The following CCDC146 variants were observed in gnomAD, a reference collection of about 807,000 sequenced individuals.
CCDC146 encodes the protein coiled-coil domain containing 146.
Under a neutral mutation model 119.3 loss-of-function variants are expected in CCDC146, and 92 were observed. That is an observed-to-expected ratio of 0.77 (90% CI 0.65 to 0.92). CCDC146 has a LOEUF of 0.92. CCDC146 is among the 40% of genes least tolerant of loss of function. The pLI is 0.00. For synonymous variants in CCDC146, 372 were observed against 371.8 expected, an observed-to-expected ratio of 1.00 and a Z score of -0.01; for missense variants, 1,000 against 1,103.0, an observed-to-expected ratio of 0.91 and a Z score of 1.32.
At chr7:77,247,434 T>C (rs575457043) in intron 4 of CCDC146, among the ~76,000 whole-genome samples, 8 of 152,300 alleles carry the variant, frequency 5.3e-5, no homozygotes, top group Admixed American at 5.2e-4. Flanking sequence ...GTAGGATCAA[T>C]ACCTGGGAAG....
At chr7:77,268,738 G>A (rs138922010) in intron 9 of CCDC146, among the ~76,000 whole-genome samples, 28 of 152,262 alleles carry the variant, frequency 1.8e-4, no homozygotes, top group African/African-American at 6.5e-4. Context: ...CCTCACACTA[G>A]CCATACAGAC....
At chr7:77,162,296 T>C (rs1160918991) in intron 1 of CCDC146, among the ~76,000 whole-genome samples, 3 of 152,074 alleles carry the variant, frequency 2.0e-5, no homozygotes, top group Admixed American at 6.6e-5. Context: ...GTTTAATTCT[T>C]TAATCTAGTT....
intron 4 of CCDC146, among the ~76,000 whole-genome samples, chr7:77,247,419 G>A (rs12668330): frequency 0.74 from 113,353 of 152,152 alleles, 46,311 homozygotes; most frequent in Non-Finnish European, 0.9. Flanking sequence ...CAGCATGCCC[G>A]AGGTGTAGGA....
chr7:77,228,006 T>C (rs1289300311), intron 2 of CCDC146, among the ~76,000 whole-genome samples: 4 of 152,216 alleles, frequency 2.6e-5, no homozygotes, highest in Admixed American at 2.0e-4. Context: ...TAACAAGATG[T>C]CTCAGCTTCA....
At chr7:77,282,914 T>A (rs1384103102) in intron 15 of CCDC146, 129 bp downstream of exon 15, 1 of 645,882 alleles carries the variant, frequency 1.5e-6, no homozygotes, top group Non-Finnish European at 2.7e-6. Context: ...CCATCCATCT[T>A]GTTTAAAAAT....
At position 77,196,750 on chromosome 7, in the gene CCDC146, C is replaced by T. The variant is rs1459252036; in HGVS notation, c.156+28926C>T. 1.2e-6 allele frequency: 2 copies of T among 1,614,020 alleles called. No homozygotes were observed. The highest frequency in any genetic ancestry group is 1.7e-6 in the Non-Finnish European group (2 of 1,180,012). ...GAAGATGAATTTTATCGTTCCCCAG[C>T]CAAAATTCCCTTCTGAGGTTTCCAA... On this transcript the variant is annotated intron_variant, in intron 2 of 18. Coordinates refer to ENST00000285871, the MANE Select transcript of CCDC146 (RefSeq NM_020879.3). This position sits in a 1 kb window ranked among gnomAD's most constrained non-coding sequence, Gnocchi z 4.2.
intron 1 of CCDC146, among the ~76,000 whole-genome samples, chr7:77,130,884 A>G (rs936680154): frequency 1.4e-5 from 2 of 140,738 alleles, no homozygotes; most frequent in African/African-American, 2.7e-5. Context: ...GGCGTGAGCC[A>G]CCGCGCCCGG....
intron 2 of CCDC146, among the ~76,000 whole-genome samples, chr7:77,214,673 A>AT (rs1792264332): frequency 6.6e-6 from 1 of 151,924 alleles, no homozygotes; most frequent in Non-Finnish European, 1.5e-5. Context: ...TTCCAGTACC[A>AT]TTTTTTTGAG....
chr7:77,240,906 C>T (rs1404901503), intron 3 of CCDC146, among the ~76,000 whole-genome samples: 3 of 151,838 alleles, frequency 2.0e-5, no homozygotes, highest in Admixed American at 2.0e-4. Context: ...GCCCTCATCT[C>T]TCCTTGATCT....
Position 77,123,951 on chromosome 7 carries a change from T to C in CCDC146, c.-12+1219T>C, listed in dbSNP as rs192115560. On this transcript the variant is annotated intron_variant, in intron 1 of 18. Coordinates refer to ENST00000285871, the MANE Select transcript of CCDC146 (RefSeq NM_020879.3). ...CTTTGTGTTTCATTGGTTATAATTATTCAGAATAATCTTCAAACTATTTTT... is the reference window on the plus strand; with the variant it reads ...CTTTGTGTTTCATTGGTTATAATTACTCAGAATAATCTTCAAACTATTTTT... 3.9e-5 allele frequency among the ~76,000 whole-genome samples: 6 copies of C among 152,358 alleles called. No homozygotes were observed. The East Asian group carries it at 9.6e-4, about 24-fold the overall frequency.
rs1053761681 is a variant in CCDC146, at chr7:77,257,532, A to G, written c.684+1023A>G. 8.5e-5 allele frequency among the ~76,000 whole-genome samples: 13 copies of G among 152,102 alleles called. 1 individual carries two copies. Among genetic ancestry groups the G allele is most frequent in the African/African-American group, 2.4e-4 (10 of 41,412 alleles). ...GTGAAGCTTAAGCTTCAGGCCCCTC[A>G]CTTGCATGAACCTCTTCCAAGATGC... On this transcript the variant is annotated intron_variant, in intron 6 of 18. Coordinates refer to ENST00000285871, the MANE Select transcript of CCDC146 (RefSeq NM_020879.3).
chr7:77,280,480 G>A lies in CCDC146; in HGVS notation c.1746G>A (p.Glu582=). The A allele has an allele frequency of 6.2e-7, 1 of 1,614,082 alleles. No homozygotes were observed. The highest frequency in any genetic ancestry group is 8.5e-7 in the Non-Finnish European group (1 of 1,180,020). Residue 582 remains glutamate, a synonymous_variant, in exon 14 of 19, where the codon GAG becomes GAA. Coordinates refer to ENST00000285871, the MANE Select transcript of CCDC146 (RefSeq NM_020879.3). ...ACGCCAACAATGTTACCATCAGAGA[G>A]AGCATGCAAAACGATGTGCGCAAAA... ...LKHANNVTIR[E]SMQNDVRKIV...
intron 18 of CCDC146, among the ~76,000 whole-genome samples, chr7:77,294,028 A>G (rs1337877891): frequency 6.6e-6 from 1 of 152,148 alleles, no homozygotes; most frequent in Non-Finnish European, 1.5e-5. Flanking sequence ...TCCCACTGCC[A>G]TTTATTAGAG....
At chr7:77,170,496 A>G (rs987454966) in intron 2 of CCDC146, among the ~76,000 whole-genome samples, 1 of 152,160 alleles carries the variant, frequency 6.6e-6, no homozygotes, top group Non-Finnish European at 1.5e-5. Context: ...ATACCCAGTA[A>G]TGGGATTGCT....
intron 9 of CCDC146, among the ~76,000 whole-genome samples, chr7:77,265,709 C>T (rs1793388809): frequency 6.6e-6 from 1 of 152,210 alleles, no homozygotes; most frequent in Admixed American, 6.5e-5. Context: ...ATCGTTTCTG[C>T]TATACCAGCC....
intron 4 of CCDC146, among the ~76,000 whole-genome samples, chr7:77,252,498 C>A (rs1793094674): frequency 6.6e-6 from 1 of 151,988 alleles, no homozygotes; most frequent in East Asian, 1.9e-4. Flanking sequence ...AATGCCATTA[C>A]CAAAAGAAGG....
In CCDC146 at chr7:77,241,893, T is replaced by C; in HGVS notation, c.442T>C (p.Leu148=). 6.2e-7 allele frequency: 1 copy of C among 1,608,822 alleles called. No homozygotes were observed. Among genetic ancestry groups the C allele is most frequent in the East Asian group, 2.2e-5 (1 of 44,848 alleles). ...KEREFHNQYR[L]NSLKEEKIII... is the part of the protein sequence containing the mutation. ...AAGAGAGTTCCATAATCAGTACAGA[T>C]TAAATAGGTAAGTGCACAGTTCTCT... is the stretch of plus-strand genomic sequence containing the variant. The change falls in exon 4 of 19, where the codon TTA becomes CTA. Residue 148 remains leucine (L), a synonymous_variant. Coordinates refer to ENST00000285871, the MANE Select transcript of CCDC146 (RefSeq NM_020879.3).
intron 2 of CCDC146, among the ~76,000 whole-genome samples, chr7:77,189,244 C>G (rs1258577524): frequency 1.3e-5 from 2 of 152,142 alleles, no homozygotes; most frequent in Non-Finnish European, 2.9e-5. Flanking sequence ...ATTTCTGTTC[C>G]TGGCAGCTCC....
At chr7:77,229,430 C>T (rs192894966) in intron 2 of CCDC146, among the ~76,000 whole-genome samples, 1 of 152,230 alleles carries the variant, frequency 6.6e-6, no homozygotes, top group Admixed American at 6.5e-5. Context: ...AGGCTGTCTT[C>T]CAGGGTTATT....
Sources: gnomAD v4.1 joint callset for allele counts (sites outside exome capture counted in the v4.1 genomes callset) on GRCh38, gnomAD v4.1.1 for gene constraint, Gnocchi (gnomAD v3.1) non-coding constraint, MANE v1.5 for transcripts, NCBI Gene and HGNC (gene_info 2026-07-23, HGNC 2026-07-21) for gene names.